ABCG2: variants seen among roughly 807,000 people sequenced by gnomAD.
ABCG2 encodes ATP binding cassette subfamily G member 2 (JR blood group), also known as broad substrate specificity ATP-binding cassette transporter ABCG2.
In ABCG2, 80 loss-of-function variants were observed where a neutral mutation model predicts 73.5. The observed-to-expected ratio is 1.09, with a 90% CI of 0.91 to 1.31. The LOEUF (loss-of-function observed/expected upper bound fraction) is 1.31. Ranked by LOEUF, ABCG2 falls within the 50% of genes most tolerant of loss-of-function variation. The pLI is 0.00. For missense variants in ABCG2, 796 were observed against 786.2 expected (o/e 1.01, Z -0.15); for synonymous variants, 269 against 282.4 (o/e 0.95, Z 0.48).
At chr4:88,197,123 C>A (rs1254821000) in intron 1 of ABCG2, among the ~76,000 whole-genome samples, 2 of 151,332 alleles carry the variant, frequency 1.3e-5, no homozygotes, top group Non-Finnish European at 2.9e-5. Flanking sequence ...CCCACCCCAC[C>A]TCACCACCAC....
chr4:88,097,752 G>A (rs1048615780), intron 12 of ABCG2, 145 bp from the exon 13 acceptor site: 16 of 792,732 alleles, frequency 2.0e-5, no homozygotes, highest in Non-Finnish European at 3.1e-5. Context: ...ACCACCCTCG[G>A]TCTCCAATGT....
At chr4:88,168,444 G>A (rs1000691229) in intron 1 of ABCG2, among the ~76,000 whole-genome samples, 1 of 150,228 alleles carries the variant, frequency 6.7e-6, no homozygotes, top group Non-Finnish European at 1.5e-5. Context: ...CTGGGATCTC[G>A]CCACTGCACT....
At chr4:88,093,320 T>G (rs753378431) in intron 15 of ABCG2, among the ~76,000 whole-genome samples, 3 of 151,868 alleles carry the variant, frequency 2.0e-5, no homozygotes, top group Non-Finnish European at 2.9e-5. Flanking sequence ...CTGGCTAACA[T>G]GGTGAAACTC....
intron 5 of ABCG2, among the ~76,000 whole-genome samples, chr4:88,126,965 T>C (rs948802584): frequency 3.3e-5 from 5 of 152,254 alleles, no homozygotes; most frequent in East Asian, 1.9e-4. Context: ...TGTATTCAAA[T>C]AGGAAGAGAG....
chr4:88,197,169 C>A, intron 1 of ABCG2, among the ~76,000 whole-genome samples: 1 of 148,030 alleles, frequency 6.8e-6, no homozygotes, highest in African/African-American at 2.5e-5. Flanking sequence ...TTCTTTTTAC[C>A]CAGTACATCA....
intron 1 of ABCG2, among the ~76,000 whole-genome samples, chr4:88,197,343 T>TG (rs1473612051): frequency 1.3e-5 from 2 of 152,110 alleles, no homozygotes; most frequent in Admixed American, 1.3e-4. Flanking sequence ...AAAGCTCTAA[T>TG]GGGGCCAGGC....
chr4:88,191,396 A>G (rs1728688104), intron 1 of ABCG2, among the ~76,000 whole-genome samples: 1 of 152,100 alleles, frequency 6.6e-6, no homozygotes, highest in Non-Finnish European at 1.5e-5. Context: ...AATTCAAACC[A>G]TAATGAGATA....
chr4:88,140,149 T>C (rs1725531721), intron 1 of ABCG2, 135 bp from the exon 2 acceptor site: 1 of 732,160 alleles, frequency 1.4e-6, no homozygotes, highest in South Asian at 1.9e-5. Flanking sequence ...GAATGGCCCA[T>C]ACCATTGTGA....
chr4:88,148,759 T>G (rs1381221425), intron 1 of ABCG2, among the ~76,000 whole-genome samples: 1 of 152,196 alleles, frequency 6.6e-6, no homozygotes, highest in Non-Finnish European at 1.5e-5. Flanking sequence ...AACAGTATTG[T>G]AAACAGTAAA....
chr4:88,098,681 TAGATAGAC>T (rs1722173736), intron 12 of ABCG2, among the ~76,000 whole-genome samples: 1 of 151,602 alleles, frequency 6.6e-6, no homozygotes. Context: ...GATAGATAGA[TAGATAGAC>T]AGATAGAAAA....
At chr4:88,182,332 T>C (rs1024894012) in intron 1 of ABCG2, among the ~76,000 whole-genome samples, 8 of 152,192 alleles carry the variant, frequency 5.3e-5, no homozygotes, top group Non-Finnish European at 1.0e-4. Context: ...CTCTCAGCAT[T>C]GGACAGATCT....
At chr4:88,108,239 T>A (rs1722890534) in intron 9 of ABCG2, among the ~76,000 whole-genome samples, 1 of 152,110 alleles carries the variant, frequency 6.6e-6, no homozygotes, top group South Asian at 2.1e-4. Context: ...AAACAAGAAA[T>A]GGGCTGGGCG....
At chr4:88,168,544 A>G (rs1291047237) in intron 1 of ABCG2, among the ~76,000 whole-genome samples, 1 of 151,922 alleles carries the variant, frequency 6.6e-6, no homozygotes, top group African/African-American at 2.4e-5. Context: ...TTCACTTCTA[A>G]AAATTAGACT....
At chr4:88,180,094 C>G (rs1042289742) in intron 1 of ABCG2, among the ~76,000 whole-genome samples, 1 of 151,866 alleles carries the variant, frequency 6.6e-6, no homozygotes, top group Non-Finnish European at 1.5e-5. Flanking sequence ...TACAGAACAC[C>G]AAGCAGATTT....
intron 2 of ABCG2, among the ~76,000 whole-genome samples, chr4:88,136,469 G>A (rs923642187): frequency 6.6e-6 from 1 of 152,268 alleles, no homozygotes; most frequent in South Asian, 2.1e-4. Flanking sequence ...CAAAGAATGA[G>A]GCAAGGTGGG....
intron 10 of ABCG2, among the ~76,000 whole-genome samples, 165 bp downstream of exon 10, chr4:88,107,019 G>A: frequency 6.6e-6 from 1 of 152,198 alleles, no homozygotes; most frequent in Non-Finnish European, 1.5e-5. Context: ...TCCAGCCTGG[G>A]CAACAGAGCA....
intron 4 of ABCG2, among the ~76,000 whole-genome samples, chr4:88,131,539 C>CA (rs2110040743): frequency 6.6e-6 from 1 of 151,700 alleles, no homozygotes; most frequent in Admixed American, 6.6e-5. Flanking sequence ...GAAGGAAAGG[C>CA]AAAAAAGGAT....
At chr4:88,149,650 G>A (rs529032194) in intron 1 of ABCG2, among the ~76,000 whole-genome samples, 2 of 152,122 alleles carry the variant, frequency 1.3e-5, no homozygotes, top group South Asian at 2.1e-4. Flanking sequence ...TCGGGAGTTC[G>A]AGACCAGCCT....
chr4:88,139,797 T>C lies in ABCG2; in HGVS notation c.199A>G (p.Ile67Val). 1 of 1,613,408 alleles carries C rather than the reference T, an allele frequency of 6.2e-7. No homozygotes were observed. The highest frequency in any genetic ancestry group is 8.5e-7 in the Non-Finnish European group (1 of 1,179,582). The change falls in exon 2 of 16, where the codon ATC becomes GTC. Residue 67 changes from isoleucine to valine, a missense_variant. Physicochemically the swap from Ile to Val is conservative, Grantham distance 29. Coordinates refer to ENST00000237612, the MANE Select transcript of ABCG2 (RefSeq NM_004827.3). ...TTTACAAGTTCATGTACATACTTGATATTCGATAATATTTCTTTCTCAACT... is the reference window on the plus strand; with the variant it reads ...TTTACAAGTTCATGTACATACTTGACATTCGATAATATTTCTTTCTCAACT... ...KPVEKEILSNINGIMKPGLNA... is the reference protein window; with the variant it reads ...KPVEKEILSNVNGIMKPGLNA...
Sources: gnomAD v4.1 joint callset for allele counts (sites outside exome capture counted in the v4.1 genomes callset) on GRCh38, gnomAD v4.1.1 for gene constraint, MANE v1.5 for transcripts, NCBI Gene and HGNC (gene_info 2026-07-23, HGNC 2026-07-21) for gene names.